Variants in GMEB2 observed in about 807,000 individuals in gnomAD.
The protein encoded by GMEB2 is glucocorticoid modulatory element binding protein 2.
Under a neutral mutation model 45.7 loss-of-function variants are expected in GMEB2, and 7 were observed. The ratio of observed to expected loss-of-function variants is 0.15; its 90% CI spans 0.09 to 0.29. The LOEUF (loss-of-function observed/expected upper bound fraction) is 0.29. GMEB2 is among the 10% of genes least tolerant of loss of function. The pLI is 1.00. For missense variants in GMEB2, 582 were observed against 739.2 expected (o/e 0.79, Z 2.47); for synonymous variants, 322 against 323.6 (o/e 1.00, Z 0.05).
At chr20:63,591,326 AACACGCAGTGAACAC>A (rs2083145695) in intron 9 of GMEB2, among the ~76,000 whole-genome samples, 1 of 152,104 alleles carries the variant, frequency 6.6e-6, no homozygotes, top group South Asian at 2.1e-4. Context: ...ACACACAGTG[AACACGCAGTGAACAC>A]ACACACACTG....
At chr20:63,600,133 C>G (rs1056198564) in intron 4 of GMEB2, among the ~76,000 whole-genome samples, 1 of 152,012 alleles carries the variant, frequency 6.6e-6, no homozygotes, top group African/African-American at 2.4e-5. Flanking sequence ...ACCTCCGCCT[C>G]CCGGGTTCAA....
At position 63,590,097 on chromosome 20, in the gene GMEB2, G is replaced by A. The variant is rs757159681; in HGVS notation, c.1585C>T (p.Arg529Trp). The change falls in exon 10 of 10, where the codon CGG becomes TGG. Residue 529 changes from arginine (R) to tryptophan (W), a missense_variant. Transcript: ENST00000370077. ...EVAAMAEDHE[R>W]K ...CCTCGCCCTCCTGTCGGCTACTTCC[G>A]CTCGTGGTCCTCTGCCATGGCAGCC... 14 of 1,506,304 alleles carry A rather than the reference G, an allele frequency of 9.3e-6. No individual in the cohort carries two copies. The highest frequency in any genetic ancestry group is 5.3e-5 in the South Asian group (4 of 76,104). 93.3% of individuals were successfully genotyped at this position (1,506,304 alleles called of 1,614,324 possible). A position where few individuals can be genotyped will look rare whatever the true frequency, so the allele number is the denominator to read the frequency against.
chr20:63,619,154 C>T lies in GMEB2; in HGVS notation c.131+113G>A, dbSNP rs990459328. 1 of 1,090,748 alleles carries T rather than the reference C, an allele frequency of 9.2e-7. No homozygotes were observed. The highest frequency in any genetic ancestry group is 1.3e-6 in the Non-Finnish European group (1 of 785,748). The allele number at this position is 1,090,748 out of a possible 1,614,324, so 67.6% of individuals were successfully genotyped here. ...ACATTTGAGTCCAGTCTCAGAAGAA[C>T]TGGAACTAGAAAAATCCTGACACTT... On this transcript the variant is annotated intron_variant, in intron 2 of 9. Transcript: ENST00000370077. This position sits in a 1 kb window ranked among gnomAD's most constrained non-coding sequence, Gnocchi z 4.6.
At chr20:63,603,525 T>G (rs548025275) in intron 3 of GMEB2, among the ~76,000 whole-genome samples, 8 of 149,992 alleles carry the variant, frequency 5.3e-5, no homozygotes, top group Admixed American at 2.0e-4. Context: ...AGTCAAGAGA[T>G]CAAGACCATC....
At chr20:63,600,197 C>T (rs1036548130) in intron 4 of GMEB2, among the ~76,000 whole-genome samples, 5 of 151,874 alleles carry the variant, frequency 3.3e-5, no homozygotes, top group African/African-American at 1.2e-4. Flanking sequence ...CACATGCCAC[C>T]ATGCCTGGCC....
At chr20:63,596,730 A>G (rs1249348253) in intron 5 of GMEB2, among the ~76,000 whole-genome samples, 3 of 152,222 alleles carry the variant, frequency 2.0e-5, no homozygotes. Context: ...TTCACAGATA[A>G]GTGAAGGCCG....
intron 2 of GMEB2, among the ~76,000 whole-genome samples, chr20:63,613,521 C>CT (rs11481490): frequency 0.5 from 69,408 of 139,462 alleles, 18,503 homozygotes; most frequent in Middle Eastern, 0.64. Context: ...TTTTTGTTTT[C>CT]TTTTTTTTTT....
At chr20:63,625,878 G>C (rs185468071) in intron 1 of GMEB2, among the ~76,000 whole-genome samples, 1 of 152,202 alleles carries the variant, frequency 6.6e-6, no homozygotes, top group African/African-American at 2.4e-5. Flanking sequence ...TTACAGGTGT[G>C]AGCCATCACA....
In GMEB2 at chr20:63,590,084, G is replaced by A; in HGVS notation, c.*5C>T. On this transcript the variant is annotated 3_prime_UTR_variant, in exon 10 of 10. Transcript: ENST00000370077. ...TCCGTCCCAGGGGCCTCGCCCTCCT[G>A]TCGGCTACTTCCGCTCGTGGTCCTC... The A allele has an allele frequency of 1.3e-6, 2 of 1,502,238 alleles. No homozygotes were observed. The highest frequency in any genetic ancestry group is 1.8e-6 in the Non-Finnish European group (2 of 1,127,292). 93.1% of individuals were successfully genotyped at this position (1,502,238 alleles called of 1,614,324 possible).
chr20:63,602,306 C>T (rs535511157), intron 4 of GMEB2, among the ~76,000 whole-genome samples: 39 of 152,264 alleles, frequency 2.6e-4, no homozygotes, highest in African/African-American at 7.2e-4. Flanking sequence ...TATGGGAGTA[C>T]GTGGTGGATT....
At chr20:63,601,004 G>A (rs985090990) in intron 4 of GMEB2, among the ~76,000 whole-genome samples, 2 of 152,160 alleles carry the variant, frequency 1.3e-5, no homozygotes, top group African/African-American at 2.4e-5. Flanking sequence ...CCACAGCTAC[G>A]ACTTACGTCT....
intron 6 of GMEB2, 125 bp downstream of exon 6, chr20:63,595,485 C>A: frequency 1.3e-6 from 1 of 788,172 alleles, no homozygotes; most frequent in Non-Finnish European, 2.0e-6. Flanking sequence ...GGGTCCCAGG[C>A]AGGAGACCGG....
Position 63,595,482 on chromosome 20 carries a change from A to G in GMEB2, c.619+128T>C. 2.6e-6 allele frequency: 2 copies of G among 766,892 alleles called. 1 individual carries two copies. The highest frequency in any genetic ancestry group is 3.7e-5 in the South Asian group (2 of 54,330). The allele number at this position is 766,892 out of a possible 1,614,324, so 47.5% of individuals were successfully genotyped here. A position where few individuals can be genotyped will look rare whatever the true frequency, so the allele number is the denominator to read the frequency against. On this transcript the variant is annotated intron_variant, in intron 6 of 9. Transcript: ENST00000370077. The stretch of plus-strand genomic sequence containing the variant: ...CTGATCCCAGACAACTCAGGGTCCC[A>G]GGCAGGAGACCGGCAGTCCTGGCGT...
At chr20:63,610,819 T>C (rs565504752) in intron 2 of GMEB2, among the ~76,000 whole-genome samples, 5 of 152,320 alleles carry the variant, frequency 3.3e-5, no homozygotes, top group African/African-American at 1.2e-4. Flanking sequence ...CAGGGGGCTA[T>C]TTCCCACCCC....
rs1194891699 is a variant in GMEB2, at chr20:63,589,219, C to T, written c.*870G>A. 4.0e-5 allele frequency: 16 copies of T among 399,038 alleles called. No individual in the cohort carries two copies. Among genetic ancestry groups the T allele is most frequent in the Admixed American group, 8.8e-5 (2 of 22,718 alleles). The allele number at this position is 399,038 out of a possible 1,614,324, so 24.7% of individuals were successfully genotyped here. On this transcript the variant is annotated 3_prime_UTR_variant, in exon 10 of 10. Coordinates refer to ENST00000370077, the MANE Select transcript of GMEB2 (RefSeq NM_012384.5). The stretch of plus-strand genomic sequence containing the variant: ...TGGATCTCAGACCCCTGGGAGGGGC[C>T]GGCTCAGGGACAGGCTGCCCAGGAC...
intron 2 of GMEB2, among the ~76,000 whole-genome samples, chr20:63,605,648 C>T (rs1393585706): frequency 6.6e-6 from 1 of 151,996 alleles, no homozygotes; most frequent in Non-Finnish European, 1.5e-5. Context: ...CAGAACGGCA[C>T]CCAGCAGGTA....
At chr20:63,613,787 CAG>C (rs2146085616) in intron 2 of GMEB2, among the ~76,000 whole-genome samples, 1 of 152,290 alleles carries the variant, frequency 6.6e-6, no homozygotes, top group Admixed American at 6.5e-5. Context: ...GCTGGGATTA[CAG>C]GTGTGAGCCA....
intron 2 of GMEB2, among the ~76,000 whole-genome samples, chr20:63,613,906 G>A (rs933312612): frequency 5.3e-5 from 8 of 152,160 alleles, no homozygotes; most frequent in Admixed American, 6.5e-5. Flanking sequence ...CGACATGTTC[G>A]TGAGACTTCT....
intron 1 of GMEB2, among the ~76,000 whole-genome samples, chr20:63,625,552 T>G (rs2089665186): frequency 6.6e-6 from 1 of 151,998 alleles, no homozygotes; most frequent in Admixed American, 6.6e-5. Context: ...TAGTGTGAAG[T>G]GAGTTTCCAA....
Sources: gnomAD v4.1 joint callset for allele counts (sites outside exome capture counted in the v4.1 genomes callset) on GRCh38, gnomAD v4.1.1 for gene constraint, Gnocchi (gnomAD v3.1) non-coding constraint, MANE v1.5 for transcripts, NCBI Gene and HGNC (gene_info 2026-07-23, HGNC 2026-07-21) for gene names.